Variants in TGFBR2 observed in about 807,000 individuals in gnomAD.
TGFBR2 encodes the protein TGF-beta receptor type-2.
Under a neutral mutation model 49.0 loss-of-function variants are expected in TGFBR2, and 18 were observed. The observed-to-expected ratio is 0.37, with a 90% CI of 0.25 to 0.54. TGFBR2 has a LOEUF of 0.54. Among genes scored for constraint, TGFBR2 ranks in the 20% least tolerant of loss-of-function variants. The pLI is 0.85. For missense variants in TGFBR2, 525 were observed against 722.6 expected, an observed-to-expected ratio of 0.73 and a Z score of 3.13; for synonymous variants, 282 against 275.9, an observed-to-expected ratio of 1.02 and a Z score of -0.22.
At chr3:30,654,827 C>G (rs944332500) in intron 3 of TGFBR2, among the ~76,000 whole-genome samples, 1 of 152,164 alleles carries the variant, frequency 6.6e-6, no homozygotes, top group Non-Finnish European at 1.5e-5. Context: ...TCTCACTGAA[C>G]CTGTAAGAAT....
rs1000424069 is a variant in TGFBR2 at position 30,645,007 on chromosome 3, T to G, written c.263+92T>G. The G allele has an allele frequency of 3.3e-6, 4 of 1,204,768 alleles. No individual in the cohort carries two copies. In the African/African-American group the frequency reaches 6.0e-5, roughly 18 times the overall value. 74.6% of individuals were successfully genotyped at this position (1,204,768 alleles called of 1,614,324 possible). On this transcript the variant is annotated intron_variant, in intron 2 of 6. Transcript: ENST00000295754. ...ACACAGTCAGTGTATCTCTGTCTCC[T>G]AAATGTAAACACCTGTTCCATTTCC...
chr3:30,639,163 T>G (rs991891932), intron 1 of TGFBR2, among the ~76,000 whole-genome samples: 6 of 152,172 alleles, frequency 3.9e-5, no homozygotes, highest in Admixed American at 2.6e-4. Context: ...TATTAAAAAC[T>G]GGGTTCTCCA....
At chr3:30,639,460 T>C (rs1575141415) in intron 1 of TGFBR2, among the ~76,000 whole-genome samples, 1 of 152,218 alleles carries the variant, frequency 6.6e-6, no homozygotes, top group East Asian at 1.9e-4. Flanking sequence ...AACTGCAGCA[T>C]TGATTTCTGC....
At chr3:30,686,925 TTCAC>T (rs1464141358) in intron 5 of TGFBR2, among the ~76,000 whole-genome samples, 1 of 152,218 alleles carries the variant, frequency 6.6e-6, no homozygotes, top group African/African-American at 2.4e-5. Context: ...CATTCATTCA[TTCAC>T]TCACTCAACA....
chr3:30,683,120 G>T (rs953330805), intron 5 of TGFBR2, among the ~76,000 whole-genome samples: 2 of 152,190 alleles, frequency 1.3e-5, no homozygotes, highest in African/African-American at 4.8e-5. Context: ...GAGGATGTTG[G>T]ATCCCGTCTC....
chr3:30,644,678 C>T, intron 1 of TGFBR2, 69 bp from the exon 2 acceptor site: 1 of 1,455,458 alleles, frequency 6.9e-7, no homozygotes, highest in Non-Finnish European at 9.6e-7. Flanking sequence ...TGCATAACAT[C>T]TTCAGGAATT....
intron 3 of TGFBR2, among the ~76,000 whole-genome samples, chr3:30,655,468 C>T (rs951898139): frequency 6.6e-6 from 1 of 152,180 alleles, no homozygotes; most frequent in Non-Finnish European, 1.5e-5. Flanking sequence ...CAAAGCTAAC[C>T]ACATCCCTGT....
chr3:30,633,431 A>C (rs910422843), intron 1 of TGFBR2, among the ~76,000 whole-genome samples: 1 of 152,216 alleles, frequency 6.6e-6, no homozygotes. Context: ...AGAGAATTAC[A>C]TGCATGTTAA....
Position 30,672,198 on chromosome 3 carries a change from C to T in TGFBR2, c.1015C>T (p.Arg339Trp), listed in dbSNP as rs761991787. ...GGGCAACCTACAGGAGTACCTGACG[C>T]GGCATGTCATCAGCTGGGAGGACCT... Reference protein sequence around the residue: ...AKGNLQEYLTRHVISWEDLRK... With the variant: ...AKGNLQEYLTWHVISWEDLRK... The change falls in exon 4 of 7, where the codon CGG becomes TGG. Residue 339 changes from arginine (R) to tryptophan (W), a missense_variant. Physicochemically the swap from Arg to Trp is moderately radical, Grantham distance 101. Coordinates refer to ENST00000295754, the MANE Select transcript of TGFBR2 (RefSeq NM_003242.6). This position sits in a 1 kb window ranked among gnomAD's most constrained non-coding sequence, Gnocchi z 4.5. 2.9e-5 allele frequency: 47 copies of T among 1,612,042 alleles called. No individual in the cohort carries two copies. The Admixed American group carries it at 3.7e-4, about 13-fold the overall frequency.
chr3:30,635,384 C>T (rs570612160), intron 1 of TGFBR2, among the ~76,000 whole-genome samples: 4 of 152,202 alleles, frequency 2.6e-5, no homozygotes, highest in Non-Finnish European at 4.4e-5. Flanking sequence ...ATTCAGCAAG[C>T]GTTGGGGGGA....
Position 30,679,381 on chromosome 3 carries a change from A to G in TGFBR2, c.1396+5135A>G, listed in dbSNP as rs948720839. ...CAGGGGAGCACAGGGAAAACAGAGA[A>G]AGAACAGCACTACACTGGAGAAGCC... On this transcript the variant is annotated intron_variant, in intron 5 of 6. Coordinates refer to ENST00000295754, the MANE Select transcript of TGFBR2 (RefSeq NM_003242.6). 7.9e-5 allele frequency among the ~76,000 whole-genome samples: 12 copies of G among 152,304 alleles called. No individual in the cohort carries two copies. In the Middle Eastern group the frequency reaches 0.014, roughly 173 times the overall value.
At position 30,692,550 on chromosome 3, in the gene TGFBR2, T is replaced by C. The variant is rs1699735261; in HGVS notation, c.*951T>C. 2 of 233,156 alleles carry C rather than the reference T, an allele frequency of 8.6e-6. No individual in the cohort carries two copies. The highest frequency in any genetic ancestry group is 1.2e-4 in the East Asian group (2 of 16,678). 14.4% of individuals were successfully genotyped at this position (233,156 alleles called of 1,614,324 possible). ...ATTCTCTGCTCCCAGCCTTCATCCT[T>C]TTCTAAAAAGGAGCAAATTCTCACT... On this transcript the variant is annotated 3_prime_UTR_variant, in exon 7 of 7. Transcript: ENST00000295754.
chr3:30,691,733 G>A lies in TGFBR2; in HGVS notation c.*134G>A, dbSNP rs1216101880. 1 of 955,960 alleles carries A rather than the reference G, an allele frequency of 1.0e-6. No individual in the cohort carries two copies. Among genetic ancestry groups the A allele is most frequent in the Non-Finnish European group, 1.7e-6 (1 of 605,500 alleles). 59.2% of individuals were successfully genotyped at this position (955,960 alleles called of 1,614,324 possible). A position where few individuals can be genotyped will look rare whatever the true frequency, so the allele number is the denominator to read the frequency against. On this transcript the variant is annotated 3_prime_UTR_variant, in exon 7 of 7. Transcript: ENST00000295754. ...GTCACTCCCCTCCCTGTAAGCTGTG[G>A]GGATAAGCAGAAACAACAGCAGCAG... is the stretch of plus-strand genomic sequence containing the variant.
At chr3:30,626,183 G>T (rs551928089) in intron 1 of TGFBR2, among the ~76,000 whole-genome samples, 3 of 152,190 alleles carry the variant, frequency 2.0e-5, no homozygotes, top group Admixed American at 1.3e-4. Context: ...AATTTCACCA[G>T]AGAGGTCAAA....
chr3:30,677,662 C>T (rs554817769), intron 5 of TGFBR2, among the ~76,000 whole-genome samples: 80 of 152,172 alleles, frequency 5.3e-4, no homozygotes, highest in Non-Finnish European at 1.0e-3. Flanking sequence ...AGAGGCTTTT[C>T]TTTTACATTC....
In TGFBR2 at chr3:30,692,237, G is replaced by A. The variant is rs890048815; in HGVS notation, c.*638G>A. On this transcript the variant is annotated 3_prime_UTR_variant, in exon 7 of 7. Coordinates refer to ENST00000295754, the MANE Select transcript of TGFBR2 (RefSeq NM_003242.6). Reference sequence around the variant, plus strand: ...TCTGGCCATGGAACTAAGTACAGTGGCACTGTTTGAGGACCAGTGTTCCCG... The same window carrying A: ...TCTGGCCATGGAACTAAGTACAGTGACACTGTTTGAGGACCAGTGTTCCCG... 4 of 228,780 alleles carry A rather than the reference G, an allele frequency of 1.7e-5. No homozygotes were observed. Among genetic ancestry groups the A allele is most frequent in the African/African-American group, 6.7e-5 (3 of 45,054 alleles). 14.2% of individuals were successfully genotyped at this position (228,780 alleles called of 1,614,324 possible).
At chr3:30,681,813 C>T (rs1252961211) in intron 5 of TGFBR2, among the ~76,000 whole-genome samples, 2 of 152,098 alleles carry the variant, frequency 1.3e-5, no homozygotes, top group African/African-American at 2.4e-5. Context: ...GGGTGGAGTG[C>T]CTCCAACCCT....
intron 1 of TGFBR2, chr3:30,623,281 A>T: frequency 6.2e-7 from 1 of 1,613,724 alleles, no homozygotes; most frequent in South Asian, 1.1e-5. Context: ...ATAGTAAAGT[A>T]TCATTAATTA....
intron 3 of TGFBR2, among the ~76,000 whole-genome samples, chr3:30,660,282 C>T (rs367967549): frequency 1.3e-5 from 2 of 152,218 alleles, no homozygotes; most frequent in African/African-American, 2.4e-5. Context: ...TTCGAAATAC[C>T]TGTTTCTTCC....
Sources: gnomAD v4.1 joint callset for allele counts (sites outside exome capture counted in the v4.1 genomes callset) on GRCh38, gnomAD v4.1.1 for gene constraint, Gnocchi (gnomAD v3.1) non-coding constraint, MANE v1.5 for transcripts, NCBI Gene and HGNC (gene_info 2026-07-23, HGNC 2026-07-21) for gene names.